The following C9orf152 variants were observed in gnomAD, a reference collection of about 807,000 sequenced individuals.
C9orf152 encodes uncharacterized protein C9orf152.
In C9orf152, 8 loss-of-function variants were observed where a neutral mutation model predicts 8.5. The observed-to-expected ratio is 0.94, with a 90% CI of 0.55 to 1.70. The LOEUF is 1.70. Ranked by LOEUF, C9orf152 falls within the 40% of genes most tolerant of loss-of-function variation. C9orf152 has a pLI of 0.00. For synonymous variants in C9orf152, 109 were observed against 113.0 expected (o/e 0.96, Z 0.22); for missense variants, 293 against 286.2 (o/e 1.02, Z -0.17).
Position 110,201,223 on chromosome 9 carries a change from G to GGTC in C9orf152, c.444_445insGAC (p.Asp148dup). Reference sequence around the variant, plus strand: ...GTGTCTCCTTCAGGAGGGAGCCTTTGATCAGATCCCACAAGCTTGCCCCTA... The same window carrying GGTC: ...GTGTCTCCTTCAGGAGGGAGCCTTTGGTCATCAGATCCCACAAGCTTGCCCCTA... On this transcript the variant is annotated inframe_insertion, in exon 2 of 2. Transcript: ENST00000400613. 1 of 1,614,120 alleles carries GGTC rather than the reference G, an allele frequency of 6.2e-7. No homozygotes were observed. Among genetic ancestry groups the GGTC allele is most frequent in the Non-Finnish European group, 8.5e-7 (1 of 1,180,028 alleles).
Position 110,207,626 on chromosome 9 carries a change from G to A in C9orf152, c.-47C>T, listed in dbSNP as rs1837290074. ...ACACAGCTGGGTGGGGCAGGACCTG[G>A]GGAGGGGAGAGAGAGGGAGGGGGCA... On this transcript the variant is annotated 5_prime_UTR_variant, in exon 1 of 2. Transcript: ENST00000400613. The A allele has an allele frequency of 6.9e-7, 1 of 1,453,692 alleles. No homozygotes were observed. Among genetic ancestry groups the A allele is most frequent in the Non-Finnish European group, 9.2e-7 (1 of 1,092,406 alleles). The allele number at this position is 1,453,692 out of a possible 1,614,324, so 90.0% of individuals were successfully genotyped here.
At position 110,201,367 on chromosome 9, in the gene C9orf152, T is replaced by G; in HGVS notation, c.301A>C (p.Arg101=). ...LEEADSEVEG[R]LEEAAQGCLQ... is the part of the protein sequence containing the mutation. ...CAGCCCTGGGCAGCCTCCTCCAGCC[T>G]CCCCTCCACCTCAGAATCTGCCTCT... Residue 101 remains arginine (R), a synonymous_variant, in exon 2 of 2, where the codon AGG becomes CGG. Coordinates refer to ENST00000400613, the MANE Select transcript of C9orf152 (RefSeq NM_001012993.3). The G allele has an allele frequency of 6.2e-7, 1 of 1,603,150 alleles. No homozygotes were observed.
chr9:110,204,375 G>A (rs1043249619), intron 1 of C9orf152, among the ~76,000 whole-genome samples: 2 of 152,096 alleles, frequency 1.3e-5, no homozygotes, highest in South Asian at 2.1e-4. Context: ...AGCTAATTTC[G>A]GAGCCCTTCC....
chr9:110,202,679 T>G (rs1035794413), intron 1 of C9orf152, among the ~76,000 whole-genome samples: 12 of 152,136 alleles, frequency 7.9e-5, no homozygotes, highest in African/African-American at 1.7e-4. Context: ...AAAGGCATTT[T>G]CCTTATAGAA....
In C9orf152 at chr9:110,203,031, TTG is replaced by T. The variant is rs1204194924; in HGVS notation, c.194-1559_194-1558del. Reference sequence around the variant, plus strand: ...AAACACTTTTTTTTTTTTTTTTTTTTTGAGATGGAGTCTTGCTCTGTCACCCA... The same window carrying T: ...AAACACTTTTTTTTTTTTTTTTTTTTAGATGGAGTCTTGCTCTGTCACCCA... On this transcript the variant is annotated intron_variant, in intron 1 of 1. Transcript: ENST00000400613. Among the ~76,000 whole-genome samples the T allele has an allele frequency of 4.9e-3, 646 of 132,626 alleles. 9 individuals are homozygous for T. Among genetic ancestry groups the T allele is most frequent in the South Asian group, 0.039 (161 of 4,096 alleles). The allele number at this position is 132,626 out of a possible 152,430, so 87.0% of individuals were successfully genotyped here.
chr9:110,202,091 G>T (rs891327322), intron 1 of C9orf152, among the ~76,000 whole-genome samples: 2 of 151,902 alleles, frequency 1.3e-5, no homozygotes, highest in African/African-American at 4.8e-5. Flanking sequence ...TTGTTTGTTT[G>T]TTTTTTTGAG....
chr9:110,206,505 A>G (rs1387449500), intron 1 of C9orf152, among the ~76,000 whole-genome samples: 1 of 152,242 alleles, frequency 6.6e-6, no homozygotes, highest in Non-Finnish European at 1.5e-5. Context: ...CACTCCTGCC[A>G]GGAACGAGGA....
intron 1 of C9orf152, among the ~76,000 whole-genome samples, chr9:110,205,030 T>G (rs1197363783): frequency 6.6e-6 from 1 of 152,232 alleles, no homozygotes; most frequent in African/African-American, 2.4e-5. Context: ...TTCCTCCTCT[T>G]GTTCCTTAAA....
At position 110,200,540 on chromosome 9, in the gene C9orf152, A is replaced by C. The variant is rs1302711107; in HGVS notation, c.*408T>G. 1 of 162,528 alleles carries C rather than the reference A, an allele frequency of 6.2e-6. No individual in the cohort carries two copies. The highest frequency in any genetic ancestry group is 2.4e-5 in the African/African-American group (1 of 41,826). The allele number at this position is 162,528 out of a possible 1,614,324, so 10.1% of individuals were successfully genotyped here. ...ATGAGAAATCATCAGAAGACATTGA[A>C]AACAAGAATGCCACGCCCATTGACC... is the stretch of plus-strand genomic sequence containing the variant. On this transcript the variant is annotated 3_prime_UTR_variant, in exon 2 of 2. Transcript: ENST00000400613.
In C9orf152 at chr9:110,205,484, C is replaced by A. The variant is rs188361535; in HGVS notation, c.193+1903G>T. Among the ~76,000 whole-genome samples, 10 of 152,312 alleles carry A rather than the reference C, an allele frequency of 6.6e-5. No individual in the cohort carries two copies. In the East Asian group the frequency reaches 1.9e-3, roughly 29 times the overall value. ...TTCAAGTGGCCTTCCTACTTAGATA[C>A]ATGTGACATACGTGATCTTGTCCTC... On this transcript the variant is annotated intron_variant, in intron 1 of 1. Coordinates refer to ENST00000400613, the MANE Select transcript of C9orf152 (RefSeq NM_001012993.3).
At position 110,207,388 on chromosome 9, in the gene C9orf152, T is replaced by C; in HGVS notation, c.192A>G (p.Lys64=). 1 of 1,611,844 alleles carries C rather than the reference T, an allele frequency of 6.2e-7. No homozygotes were observed. Among genetic ancestry groups the C allele is most frequent in the Non-Finnish European group, 8.5e-7 (1 of 1,179,028 alleles). Residue 64 remains lysine (K), a splice_region_variant and synonymous_variant, in exon 1 of 2, where the codon AAA becomes AAG. Transcript: ENST00000400613. ...TCCCCAGCACCTGTCCATTCCTACCTTTTGGAAGCACCAGGAGGTGGGCCT... is the reference window on the plus strand; with the variant it reads ...TCCCCAGCACCTGTCCATTCCTACCCTTTGGAAGCACCAGGAGGTGGGCCT... ...RTQAHLLVLP[K]GGNTPAPAES...
At chr9:110,207,008 C>T (rs982661591) in intron 1 of C9orf152, among the ~76,000 whole-genome samples, 7 of 152,200 alleles carry the variant, frequency 4.6e-5, no homozygotes, top group East Asian at 1.9e-4. Context: ...CTGTTGGGAA[C>T]GCCATGTCTT....
At position 110,200,425 on chromosome 9, in the gene C9orf152, G is replaced by T. The variant is rs1316379946; in HGVS notation, c.*523C>A. ...TTGAAATGATGTGATCACTGCCAATGAGTGTTGTGACTTCTAAGTGAGATG... is the reference window on the plus strand; with the variant it reads ...TTGAAATGATGTGATCACTGCCAATTAGTGTTGTGACTTCTAAGTGAGATG... On this transcript the variant is annotated 3_prime_UTR_variant, in exon 2 of 2. Transcript: ENST00000400613. 6.5e-6 allele frequency: 1 copy of T among 153,178 alleles called. No homozygotes were observed. Among genetic ancestry groups the T allele is most frequent in the Non-Finnish European group, 1.5e-5 (1 of 68,862 alleles). 9.5% of individuals were successfully genotyped at this position (153,178 alleles called of 1,614,324 possible).
At chr9:110,204,838 A>T (rs188338136) in intron 1 of C9orf152, among the ~76,000 whole-genome samples, 1 of 152,154 alleles carries the variant, frequency 6.6e-6, no homozygotes, top group Non-Finnish European at 1.5e-5. Flanking sequence ...ACTACTCTAC[A>T]TACCTCATGT....
chr9:110,203,116 G>A (rs1837240703), intron 1 of C9orf152, among the ~76,000 whole-genome samples: 1 of 151,114 alleles, frequency 6.6e-6, no homozygotes, highest in Admixed American at 6.6e-5. Context: ...CTGCATCCCG[G>A]GTTCAAGCGA....
chr9:110,204,545 C>T (rs955395251), intron 1 of C9orf152, among the ~76,000 whole-genome samples: 1 of 152,192 alleles, frequency 6.6e-6, no homozygotes, highest in Non-Finnish European at 1.5e-5. Flanking sequence ...CCTCTAAAAT[C>T]CCTCTACCAG....
chr9:110,199,856 A>G lies in C9orf152; in HGVS notation c.*1092T>C, dbSNP rs186246391. 7.2e-5 allele frequency: 11 copies of G among 152,316 alleles called. No individual in the cohort carries two copies. The highest frequency in any genetic ancestry group is 2.6e-4 in the Admixed American group (4 of 15,304). The allele number at this position is 152,316 out of a possible 1,614,324, so 9.4% of individuals were successfully genotyped here. A position where few individuals can be genotyped will look rare whatever the true frequency, so the allele number is the denominator to read the frequency against. On this transcript the variant is annotated 3_prime_UTR_variant, in exon 2 of 2. Coordinates refer to ENST00000400613, the MANE Select transcript of C9orf152 (RefSeq NM_001012993.3). ...TGTTTAAATAGCATTACAAAAGCTA[A>G]ACATTAACCAGGAAATACAAGCTTT...
Position 110,201,400 on chromosome 9 carries a change from A to C in C9orf152, c.268T>G (p.Ser90Ala), listed in dbSNP as rs755214234. The change falls in exon 2 of 2, where the codon TCC becomes GCC. Residue 90 changes from serine to alanine, a missense_variant. By Grantham distance (99) the Ser-to-Ala change is moderately conservative. Transcript: ENST00000400613. ...WINKERRSSL[S>A]LEEADSEVEG... ...ACCTCAGAATCTGCCTCTTCCAGGGACAGTGAGCTTCTTCTCTCCTTGTTA... is the reference window on the plus strand; with the variant it reads ...ACCTCAGAATCTGCCTCTTCCAGGGCCAGTGAGCTTCTTCTCTCCTTGTTA... 4.4e-6 allele frequency: 7 copies of C among 1,573,576 alleles called. No individual in the cohort carries two copies. The African/African-American group carries it at 9.5e-5, about 21-fold the overall frequency.
At position 110,207,501 on chromosome 9, in the gene C9orf152, T is replaced by A. The variant is rs569387936; in HGVS notation, c.79A>T (p.Arg27Trp). The A allele has an allele frequency of 1.9e-6, 3 of 1,613,096 alleles. No homozygotes were observed. The highest frequency in any genetic ancestry group is 3.3e-5 in the Admixed American group (2 of 59,912). Residue 27 changes from arginine (R) to tryptophan (W), a missense_variant, in exon 1 of 2, where the codon AGG becomes TGG. Physicochemically the swap from Arg to Trp is moderately radical, Grantham distance 101. Coordinates refer to ENST00000400613, the MANE Select transcript of C9orf152 (RefSeq NM_001012993.3). ...LRSHLMAEGS[R>W]TQAPGKGPPL... ...GGCCCTTTCCCAGGGGCCTGAGTCC[T>A]GGAGCCCTCAGCCATTAAGTGAGAC...
Sources: allele counts gnomAD v4.1 joint callset (sites outside exome capture counted in the v4.1 genomes callset), GRCh38; gene constraint gnomAD v4.1.1; transcripts MANE v1.5; gene names NCBI Gene and HGNC (gene_info 2026-07-23, HGNC 2026-07-21).